The following IL1F10 variants were observed in gnomAD, a reference collection of about 807,000 sequenced individuals.
The protein encoded by IL1F10 is interleukin-1 family member 10.
IL1F10 carries 13 observed loss-of-function variants against 13.1 expected under a neutral mutation model. That is an observed-to-expected ratio of 0.99 (90% CI 0.64 to 1.57). The LOEUF (loss-of-function observed/expected upper bound fraction) is 1.57. Ranked by LOEUF, IL1F10 falls within the 40% of genes most tolerant of loss-of-function variation. The pLI is 0.00. For missense variants in IL1F10, 191 were observed against 184.1 expected (o/e 1.04, Z -0.22); for synonymous variants, 78 against 68.2 (o/e 1.14, Z -0.71).
At chr2:113,073,746 C>A (rs777357531) in intron 2 of IL1F10, among the ~76,000 whole-genome samples, 30 of 152,144 alleles carry the variant, frequency 2.0e-4, no homozygotes, top group Non-Finnish European at 4.1e-4. Flanking sequence ...GGAATTTGTC[C>A]AGAGGTTCTG....
In IL1F10 at chr2:113,075,269, C is replaced by T. The variant is rs531447533; in HGVS notation, c.364C>T (p.Leu122=). The part of the protein sequence containing the change: ...LEAAAWPGWF[L]CGPAEPQQPV... ...GGCTGCTGCCTGGCCTGGCTGGTTC[C>T]TGTGTGGCCCGGCAGAGCCCCAGCA... Residue 122 remains leucine, a synonymous_variant, in exon 5 of 5, where the codon CTG becomes TTG. Coordinates refer to ENST00000341010, the MANE Select transcript of IL1F10 (RefSeq NM_173161.3). The T allele has an allele frequency of 6.2e-7, 1 of 1,612,904 alleles. No individual in the cohort carries two copies. The highest frequency in any genetic ancestry group is 2.2e-5 in the East Asian group (1 of 44,836).
chr2:113,075,622 G>A lies in IL1F10; in HGVS notation c.*258G>A, dbSNP rs187644874. ...GGAGGCAGGAAGGGAGAGTCAGAGA[G>A]AGAATGGAAGATACCATGCTTCTAA... On this transcript the variant is annotated 3_prime_UTR_variant, in exon 5 of 5. Transcript: ENST00000341010. 2 of 289,490 alleles carry A rather than the reference G, an allele frequency of 6.9e-6. No individual in the cohort carries two copies. The highest frequency in any genetic ancestry group is 1.3e-5 in the Non-Finnish European group (2 of 157,110). The allele number at this position is 289,490 out of a possible 1,614,324, so 17.9% of individuals were successfully genotyped here.
At chr2:113,074,189 C>A in intron 2 of IL1F10, 140 bp from the exon 3 acceptor site, 2 of 647,032 alleles carry the variant, frequency 3.1e-6, no homozygotes, top group Non-Finnish European at 5.7e-6. Context: ...TTGGGAGTGA[C>A]CATTCCCCTC....
chr2:113,069,821 G>A (rs926993451), intron 1 of IL1F10, among the ~76,000 whole-genome samples: 4 of 152,174 alleles, frequency 2.6e-5, no homozygotes, highest in Admixed American at 2.6e-4. Context: ...AATCTACAGT[G>A]GGAGAAAGAG....
rs1685909536 is a variant in IL1F10 at position 113,074,857 on chromosome 2, G to A, written c.246+7G>A. 1 of 1,611,224 alleles carries A rather than the reference G, an allele frequency of 6.2e-7. No individual in the cohort carries two copies. Among genetic ancestry groups the A allele is most frequent in the African/African-American group, 1.3e-5 (1 of 74,824 alleles). On this transcript the variant is annotated splice_region_variant and intron_variant, in intron 4 of 4. Coordinates refer to ENST00000341010, the MANE Select transcript of IL1F10 (RefSeq NM_173161.3). ...GCCTTCCCTACAGCTGGAGGTGAGAGGCCTCTCCCCATTCTAGGGGACACT... is the reference window on the plus strand; with the variant it reads ...GCCTTCCCTACAGCTGGAGGTGAGAAGCCTCTCCCCATTCTAGGGGACACT...
intron 3 of IL1F10, 79 bp downstream of exon 3, chr2:113,074,493 A>G: frequency 8.8e-6 from 11 of 1,243,004 alleles, no homozygotes; most frequent in Non-Finnish European, 1.3e-5. Flanking sequence ...TCCCCAGCAG[A>G]GGGTCAGCAG....
At chr2:113,070,541 A>ACC (rs1685818146) in intron 1 of IL1F10, among the ~76,000 whole-genome samples, 1 of 152,092 alleles carries the variant, frequency 6.6e-6, no homozygotes, top group African/African-American at 2.4e-5. Flanking sequence ...GGGCACAGCT[A>ACC]CCACACTGCC....
rs1419289774 is a variant in IL1F10 at position 113,074,703 on chromosome 2, T to C, written c.119-20T>C. ...ATGGGGTTCCCTTGTCCCTTGACTC[T>C]TCTCTCTCTTCCCTCCTAGAGAAGA... On this transcript the variant is annotated intron_variant, in intron 3 of 4. Coordinates refer to ENST00000341010, the MANE Select transcript of IL1F10 (RefSeq NM_173161.3). 6.2e-7 allele frequency: 1 copy of C among 1,613,050 alleles called. No homozygotes were observed. Among genetic ancestry groups the C allele is most frequent in the South Asian group, 1.1e-5 (1 of 91,046 alleles).
intron 1 of IL1F10, among the ~76,000 whole-genome samples, chr2:113,069,085 T>C (rs969922869): frequency 6.6e-6 from 1 of 152,190 alleles, no homozygotes; most frequent in South Asian, 2.1e-4. Context: ...TCAAAAGATC[T>C]GAATGGATGA....
In IL1F10 at chr2:113,075,417, C is replaced by T. The variant is rs1029159248; in HGVS notation, c.*53C>T. On this transcript the variant is annotated 3_prime_UTR_variant, in exon 5 of 5. Transcript: ENST00000341010. ...GTGCCCCCAAACCAAGCTCATCCTG[C>T]TCAGGGTCTATGGTAGGCAGAATAA... The T allele has an allele frequency of 1.5e-6, 2 of 1,345,948 alleles. No homozygotes were observed. Among genetic ancestry groups the T allele is most frequent in the African/African-American group, 1.5e-5 (1 of 68,596 alleles). The allele number at this position is 1,345,948 out of a possible 1,614,324, so 83.4% of individuals were successfully genotyped here.
intron 1 of IL1F10, among the ~76,000 whole-genome samples, chr2:113,069,935 G>A (rs186821988): frequency 6.6e-6 from 1 of 152,152 alleles, no homozygotes; most frequent in Non-Finnish European, 1.5e-5. Context: ...AGTTAATATT[G>A]GTCTTGGACA....
intron 1 of IL1F10, among the ~76,000 whole-genome samples, chr2:113,068,455 C>A (rs770955326): frequency 6.6e-6 from 1 of 151,738 alleles, no homozygotes; most frequent in Non-Finnish European, 1.5e-5. Flanking sequence ...AAGCAGCTGC[C>A]CTTTATCCTT....
Position 113,075,135 on chromosome 2 carries a change from C to A in IL1F10, c.247-17C>A. The A allele has an allele frequency of 1.9e-6, 3 of 1,584,844 alleles. No homozygotes were observed. Among genetic ancestry groups the A allele is most frequent in the Non-Finnish European group, 2.6e-6 (3 of 1,162,350 alleles). ...ATCAGCACTCTCATTCTGCAGCCAT[C>A]CACCTTGCCCCCACAGGATGTGAAC... On this transcript the variant is annotated splice_polypyrimidine_tract_variant and intron_variant, in intron 4 of 4. Transcript: ENST00000341010.
intron 1 of IL1F10, among the ~76,000 whole-genome samples, chr2:113,068,607 G>A (rs1424472344): frequency 6.6e-6 from 1 of 152,192 alleles, no homozygotes; most frequent in Non-Finnish European, 1.5e-5. Flanking sequence ...TGGTAGCAGA[G>A]CTAGGTCTAG....
Position 113,075,167 on chromosome 2 carries a change from G to T in IL1F10, c.262G>T (p.Glu88Ter). ...SLQLEDVNIE[E>*]LYKGGEEATR... ...GCCCCCACAGGATGTGAACATTGAG[G>T]AACTGTACAAAGGTGGTGAAGAGGC... Residue 88 changes from glutamate to a stop codon, truncating the protein, a stop_gained, in exon 5 of 5, where the codon GAA becomes TAA. Coordinates refer to ENST00000341010, the MANE Select transcript of IL1F10 (RefSeq NM_173161.3). LOFTEE classifies it low-confidence loss of function (END_TRUNC). 2 of 1,607,626 alleles carry T rather than the reference G, an allele frequency of 1.2e-6. No individual in the cohort carries two copies. Among genetic ancestry groups the T allele is most frequent in the South Asian group, 1.1e-5 (1 of 90,720 alleles).
At chr2:113,072,842 T>C (rs1685863391) in intron 2 of IL1F10, 72 bp downstream of exon 2, 1 of 1,351,280 alleles carries the variant, frequency 7.4e-7, no homozygotes, top group South Asian at 1.2e-5. Flanking sequence ...GAATGCTGAG[T>C]CAGAGGATGA....
intron 1 of IL1F10, among the ~76,000 whole-genome samples, chr2:113,070,896 C>A (rs953595081): frequency 6.6e-6 from 1 of 152,194 alleles, no homozygotes; most frequent in Non-Finnish European, 1.5e-5. Context: ...GGAATCACTC[C>A]AAGTCCTACT....
chr2:113,073,139 T>A (rs956504960), intron 2 of IL1F10, among the ~76,000 whole-genome samples: 1 of 152,252 alleles, frequency 6.6e-6, no homozygotes, highest in Admixed American at 6.5e-5. Context: ...CTCTGAAATG[T>A]CAGAAAGTTT....
chr2:113,068,527 T>C (rs959867414), intron 1 of IL1F10, among the ~76,000 whole-genome samples: 4 of 152,210 alleles, frequency 2.6e-5, no homozygotes, highest in Admixed American at 1.3e-4. Flanking sequence ...TTTTGAAAGA[T>C]ACCTTACTCA....
Sources: allele counts gnomAD v4.1 joint callset (sites outside exome capture counted in the v4.1 genomes callset), GRCh38; gene constraint gnomAD v4.1.1; transcripts MANE v1.5; gene names NCBI Gene and HGNC (gene_info 2026-07-23, HGNC 2026-07-21).